The following KLF12 variants were observed in gnomAD, a reference collection of about 807,000 sequenced individuals.
KLF12 encodes the protein KLF transcription factor 12.
In KLF12, 9 loss-of-function variants were observed where a neutral mutation model predicts 37.8. That is an observed-to-expected ratio of 0.24 (90% CI 0.14 to 0.42). The LOEUF is 0.42. Ranked by LOEUF, KLF12 falls within the 10% of genes least tolerant of loss-of-function variation. KLF12 has a pLI of 1.00. For missense variants in KLF12, 411 were observed against 516.0 expected, an observed-to-expected ratio of 0.80 and a Z score of 1.97; for synonymous variants, 208 against 202.1, an observed-to-expected ratio of 1.03 and a Z score of -0.25.
At chr13:73,908,647 A>G (rs769779444) in intron 3 of KLF12, among the ~76,000 whole-genome samples, 2 of 151,650 alleles carry the variant, frequency 1.3e-5, no homozygotes, top group Non-Finnish European at 2.9e-5. Context: ...TGCCCGGTTA[A>G]TATTTGTATT....
At chr13:73,878,300 A>T (rs76350118) in intron 3 of KLF12, among the ~76,000 whole-genome samples, 2 of 152,224 alleles carry the variant, frequency 1.3e-5, no homozygotes, top group East Asian at 3.8e-4. Flanking sequence ...AAAGGCTAAT[A>T]AAAAGGGAAA....
chr13:73,778,049 G>T (rs1485771165), intron 5 of KLF12, among the ~76,000 whole-genome samples: 1 of 151,458 alleles, frequency 6.6e-6, no homozygotes, highest in African/African-American at 2.4e-5. Context: ...CAGGAGAATC[G>T]CTTGAACTCG....
At chr13:74,243,578 A>C in the KLF12 span, among the ~76,000 whole-genome samples, 5 of 152,184 alleles carry the variant, frequency 3.3e-5, no homozygotes, top group African/African-American at 1.2e-4. Flanking sequence ...CCAACAGTGT[A>C]AAAGCATTGC....
At chr13:73,826,191 T>C (rs1371481599) in intron 4 of KLF12, among the ~76,000 whole-genome samples, 1 of 152,076 alleles carries the variant, frequency 6.6e-6, no homozygotes, top group Non-Finnish European at 1.5e-5. Flanking sequence ...GTCAGGATTG[T>C]CTCTATCTCC....
chr13:74,075,072 A>C (rs1341781065), intron 1 of KLF12, among the ~76,000 whole-genome samples: 1 of 152,192 alleles, frequency 6.6e-6, no homozygotes, highest in Non-Finnish European at 1.5e-5. Flanking sequence ...TGGAACAGAC[A>C]GTAGGCACTT....
At chr13:73,870,880 T>A (rs1886429986) in intron 3 of KLF12, among the ~76,000 whole-genome samples, 1 of 152,182 alleles carries the variant, frequency 6.6e-6, no homozygotes, top group Non-Finnish European at 1.5e-5. Context: ...TTCCTTGGAC[T>A]TTTTTTCTGG....
chr13:73,854,288 T>C (rs1024072459), intron 3 of KLF12, among the ~76,000 whole-genome samples: 3 of 152,232 alleles, frequency 2.0e-5, no homozygotes, highest in Non-Finnish European at 4.4e-5. Context: ...CTGTGCTAGA[T>C]ACATATTTTA....
Position 73,845,941 on chromosome 13 carries a change from T to C in KLF12, c.556A>G (p.Ile186Val). 2 of 1,614,080 alleles carry C rather than the reference T, an allele frequency of 1.2e-6. No homozygotes were observed. The highest frequency in any genetic ancestry group is 1.7e-6 in the Non-Finnish European group (2 of 1,179,928). Residue 186 changes from isoleucine to valine, a missense_variant, in exon 4 of 8, where the codon ATC (isoleucine) becomes GTC (valine). Physicochemically the swap from Ile to Val is conservative, Grantham distance 29. Around this residue, in one of 2 missense-constraint regions of KLF12, gnomAD observed 351 missense variants for 397.8 expected, o/e 0.88. Transcript: ENST00000377669. ...GGCACCGACTGTACCACCACGGGGA[T>C]GCGGTGAACATGACTCAGTTTGTTA... is the stretch of plus-strand genomic sequence containing the variant.
chr13:74,148,279 C>T, the KLF12 span, among the ~76,000 whole-genome samples: 1 of 152,040 alleles, frequency 6.6e-6, no homozygotes, highest in East Asian at 1.9e-4. Flanking sequence ...CAGCATACAA[C>T]ATGCTATAAT....
intron 3 of KLF12, among the ~76,000 whole-genome samples, chr13:73,900,643 C>A (rs530833030): frequency 5.9e-5 from 9 of 151,266 alleles, no homozygotes; most frequent in Admixed American, 4.6e-4. Flanking sequence ...AAAAAAAAAA[C>A]TAATCGTGCA....
chr13:73,961,609 G>T (rs1891023473), intron 2 of KLF12, among the ~76,000 whole-genome samples: 1 of 152,092 alleles, frequency 6.6e-6, no homozygotes, highest in South Asian at 2.1e-4. Flanking sequence ...GTCACAGGGG[G>T]CTCCTGACAT....
chr13:73,861,069 G>C (rs909303644), intron 3 of KLF12, among the ~76,000 whole-genome samples: 1 of 152,076 alleles, frequency 6.6e-6, no homozygotes, highest in African/African-American at 2.4e-5. Context: ...ATATGTCACA[G>C]TAATAGGAAG....
At chr13:73,951,133 A>G (rs1287000415) in intron 2 of KLF12, among the ~76,000 whole-genome samples, 2 of 152,264 alleles carry the variant, frequency 1.3e-5, no homozygotes, top group East Asian at 1.9e-4. Flanking sequence ...TTTACAAATT[A>G]TGATAACAGT....
chr13:73,746,864 G>C (rs1878410072), intron 6 of KLF12, among the ~76,000 whole-genome samples: 1 of 138,778 alleles, frequency 7.2e-6, no homozygotes, highest in Admixed American at 7.6e-5. Flanking sequence ...GCCCAGGCTG[G>C]AGTGCAATGG....
Position 74,119,981 on chromosome 13 carries a change from G to A in KLF12, c.-32+13758C>T, listed in dbSNP as rs1455298457. On this transcript the variant is annotated intron_variant, in intron 1 of 7. Coordinates refer to ENST00000377669, the MANE Select transcript of KLF12 (RefSeq NM_007249.5). ...AGAAAAAAAAGAAACATTACATATAGACAAAAAAAAAAAGAATTTCAAAAG... is the reference window on the plus strand; with the variant it reads ...AGAAAAAAAAGAAACATTACATATAAACAAAAAAAAAAAGAATTTCAAAAG... Among the ~76,000 whole-genome samples the A allele has an allele frequency of 3.4e-5, 5 of 148,856 alleles. No homozygotes were observed. In the East Asian group the frequency reaches 9.8e-4, roughly 29 times the overall value.
At chr13:74,135,452 G>T (rs1303657696), upstream of KLF12, among the ~76,000 whole-genome samples, 1 of 151,816 alleles carries the variant, frequency 6.6e-6, no homozygotes, top group Non-Finnish European at 1.5e-5. Flanking sequence ...GCGCCCCGGG[G>T]AGCGGATCCG....
chr13:74,247,097 G>T, the KLF12 span, among the ~76,000 whole-genome samples: 3 of 151,164 alleles, frequency 2.0e-5, no homozygotes, highest in African/African-American at 7.3e-5. Context: ...CTTTTTTTTC[G>T]ACCAGATTTC....
At chr13:73,816,467 G>A (rs543308274) in intron 4 of KLF12, among the ~76,000 whole-genome samples, 3 of 152,306 alleles carry the variant, frequency 2.0e-5, no homozygotes, top group African/African-American at 4.8e-5. Context: ...GTCATTCCTC[G>A]GAGTTGGAGG....
chr13:73,884,155 AG>A (rs1159573034), intron 3 of KLF12, among the ~76,000 whole-genome samples: 2 of 152,228 alleles, frequency 1.3e-5, no homozygotes, highest in East Asian at 3.8e-4. Flanking sequence ...CTCATCTGGA[AG>A]GAAGATATTA....
Sources: allele counts gnomAD v4.1 joint callset (sites outside exome capture counted in the v4.1 genomes callset), GRCh38; gene constraint gnomAD v4.1.1; regional missense constraint gnomAD v4.1.1; transcripts MANE v1.5; gene names NCBI Gene and HGNC (gene_info 2026-07-23, HGNC 2026-07-21).